EBF2: variants seen among roughly 807,000 people sequenced by gnomAD.
The protein encoded by EBF2 is EBF transcription factor 2.
A neutral mutation model predicts 72.8 loss-of-function variants in EBF2; 21 were observed. The ratio of observed to expected loss-of-function variants is 0.29; its 90% confidence interval spans 0.20 to 0.42. EBF2 has a LOEUF of 0.42. Among genes scored for constraint, EBF2 ranks in the 10% least tolerant of loss-of-function variants. The pLI is 1.00. For synonymous variants in EBF2, 299 were observed against 274.2 expected (o/e 1.09, Z -0.89); for missense variants, 637 against 731.2 (o/e 0.87, Z 1.49).
chr8:26,011,609 C>T (rs916695194), intron 6 of EBF2, among the ~76,000 whole-genome samples: 1 of 152,046 alleles, frequency 6.6e-6, no homozygotes, highest in Non-Finnish European at 1.5e-5. Context: ...GATCTGCTTC[C>T]CAGAAGGTCT....
chr8:26,039,210 C>T (rs1388061290), intron 5 of EBF2, among the ~76,000 whole-genome samples: 1 of 151,206 alleles, frequency 6.6e-6, no homozygotes, highest in African/African-American at 2.4e-5. Flanking sequence ...AGATGCAATT[C>T]TTCTGATTTT....
chr8:25,912,029 T>A (rs1803137661), intron 6 of EBF2, among the ~76,000 whole-genome samples: 1 of 152,162 alleles, frequency 6.6e-6, no homozygotes, highest in Non-Finnish European at 1.5e-5. Context: ...CAGAGCCACC[T>A]ACATAACCTC....
At chr8:26,025,714 A>G (rs1805293599) in intron 6 of EBF2, among the ~76,000 whole-genome samples, 1 of 152,166 alleles carries the variant, frequency 6.6e-6, no homozygotes, top group South Asian at 2.1e-4. Context: ...AGAGTCCTTT[A>G]TCTTACCTGT....
intron 6 of EBF2, among the ~76,000 whole-genome samples, chr8:26,023,153 A>G (rs779709442): frequency 4.6e-5 from 7 of 152,162 alleles, no homozygotes; most frequent in Non-Finnish European, 1.0e-4. Context: ...GTTCACTCCA[A>G]TAGAAGAAGA....
chr8:25,976,554 T>C (rs557852975), intron 6 of EBF2, among the ~76,000 whole-genome samples: 31 of 152,356 alleles, frequency 2.0e-4, no homozygotes, highest in Middle Eastern at 3.4e-3. Flanking sequence ...ATTTCTTCTT[T>C]ACTTATTTGT....
chr8:25,949,280 G>A lies in EBF2; in HGVS notation c.552-40725C>T, dbSNP rs75967837. ...GAGCCAGGCAATCTGCCTTCAGCAC[G>A]TTCTGTAACTGCTACGTCATGCTGT... On this transcript the variant is annotated intron_variant, in intron 6 of 15. Transcript: ENST00000520164. 6.3e-3 allele frequency among the ~76,000 whole-genome samples: 957 copies of A among 152,270 alleles called. 14 individuals carry two copies. Among genetic ancestry groups the A allele is most frequent in the African/African-American group, 0.022 (901 of 41,560 alleles).
chr8:25,986,136 GGGTATACACCAT>G (rs1221829991), intron 6 of EBF2, among the ~76,000 whole-genome samples: 1 of 151,548 alleles, frequency 6.6e-6, no homozygotes, highest in African/African-American at 2.4e-5. Flanking sequence ...ATTATATGCT[GGGTATACACCAT>G]GGTTCTTGCC....
chr8:25,930,475 C>T (rs1803461298), intron 6 of EBF2, among the ~76,000 whole-genome samples: 2 of 152,150 alleles, frequency 1.3e-5, no homozygotes, highest in Non-Finnish European at 2.9e-5. Flanking sequence ...AATGTTACCA[C>T]CGCTTAGTGC....
chr8:25,985,507 A>G (rs1192132135), intron 6 of EBF2, among the ~76,000 whole-genome samples: 3 of 152,222 alleles, frequency 2.0e-5, no homozygotes, highest in Non-Finnish European at 4.4e-5. Context: ...TAGTGCTGCC[A>G]CTAAATGGCT....
chr8:25,916,545 T>G (rs962100136), intron 6 of EBF2, among the ~76,000 whole-genome samples: 1 of 152,102 alleles, frequency 6.6e-6, no homozygotes, highest in Non-Finnish European at 1.5e-5. Flanking sequence ...TGTCACGAAT[T>G]TAAATCTGGT....
intron 6 of EBF2, among the ~76,000 whole-genome samples, chr8:26,024,501 A>G (rs1310536015): frequency 6.6e-6 from 1 of 152,172 alleles, no homozygotes. Context: ...TAAGAATTTT[A>G]TTCTGCTTTA....
At chr8:25,905,766 C>T (rs1383685518) in intron 7 of EBF2, among the ~76,000 whole-genome samples, 3 of 152,148 alleles carry the variant, frequency 2.0e-5, no homozygotes, top group African/African-American at 7.2e-5. Context: ...TTGTACAACA[C>T]TTTGAATGTA....
intron 6 of EBF2, among the ~76,000 whole-genome samples, chr8:25,966,006 G>T (rs1175928501): frequency 6.6e-6 from 1 of 152,150 alleles, no homozygotes; most frequent in African/African-American, 2.4e-5. Flanking sequence ...CTGATCATTT[G>T]GGGCATAGGT....
At chr8:25,988,299 G>A (rs977896784) in intron 6 of EBF2, among the ~76,000 whole-genome samples, 1 of 152,168 alleles carries the variant, frequency 6.6e-6, no homozygotes, top group Non-Finnish European at 1.5e-5. Flanking sequence ...TAGTCCCTAT[G>A]TCCCAGCCAT....
intron 5 of EBF2, among the ~76,000 whole-genome samples, chr8:26,038,769 GC>G (rs1385718721): frequency 6.6e-6 from 1 of 152,146 alleles, no homozygotes. Context: ...ATTGCTTTCA[GC>G]TGAAGCCACT....
At chr8:26,016,588 G>A (rs1032803347) in intron 6 of EBF2, among the ~76,000 whole-genome samples, 1 of 152,150 alleles carries the variant, frequency 6.6e-6, no homozygotes, top group Non-Finnish European at 1.5e-5. Context: ...AGGAGGCATG[G>A]GTGAGATTTC....
At chr8:25,944,314 T>G (rs114256860) in intron 6 of EBF2, among the ~76,000 whole-genome samples, 1 of 152,158 alleles carries the variant, frequency 6.6e-6, no homozygotes, top group African/African-American at 2.4e-5. Context: ...TCTAGACTTG[T>G]AAGAGCATCT....
In EBF2 at chr8:25,858,453, G is replaced by A; in HGVS notation, c.1394C>T (p.Ser465Phe). Residue 465 changes from serine to phenylalanine, a missense_variant, in exon 14 of 16, where the codon TCC becomes TTC. By Grantham distance (155) the Ser-to-Phe change is radical. Around this residue, in one of 3 missense-constraint regions of EBF2, gnomAD observed 259 missense variants for 268.1 expected, o/e 0.97. Coordinates refer to ENST00000520164, the MANE Select transcript of EBF2 (RefSeq NM_022659.4). ...ACTGTAATTAGACTGTTGAGGCGTG[G>A]AGCTGGAAGAGTATCCCCGCGGAGA... ...SISPRGYSSS[S>F]TPQQSNYSTS... is the part of the protein sequence containing the mutation. The A allele has an allele frequency of 6.2e-7, 1 of 1,614,052 alleles. No individual in the cohort carries two copies.
At chr8:25,973,445 C>T (rs2117191391) in intron 6 of EBF2, among the ~76,000 whole-genome samples, 1 of 152,256 alleles carries the variant, frequency 6.6e-6, no homozygotes, top group South Asian at 2.1e-4. Flanking sequence ...CTTGAATGCA[C>T]AGTTAAGCAA....
Sources: gnomAD v4.1 joint callset for allele counts (sites outside exome capture counted in the v4.1 genomes callset) on GRCh38, gnomAD v4.1.1 for gene constraint, gnomAD v4.1.1 regional missense constraint, MANE v1.5 for transcripts, NCBI Gene and HGNC (gene_info 2026-07-23, HGNC 2026-07-21) for gene names.